Variants in TCF21 observed in about 807,000 individuals in gnomAD.
The protein encoded by TCF21 is capsulin.
In TCF21, 3 loss-of-function variants were observed where a neutral mutation model predicts 13.5. The observed-to-expected ratio is 0.22, with a 90% CI of 0.10 to 0.57. TCF21 has a LOEUF of 0.57. TCF21 is among the 20% of genes least tolerant of loss of function. The pLI is 0.92. For synonymous variants in TCF21, 92 were observed against 101.7 expected, an observed-to-expected ratio of 0.90 and a Z score of 0.57; for missense variants, 181 against 238.4, an observed-to-expected ratio of 0.76 and a Z score of 1.59.
chr6:133,891,864 C>A lies in TCF21; in HGVS notation c.*62C>A. 6.4e-7 allele frequency: 1 copy of A among 1,563,664 alleles called. No individual in the cohort carries two copies. Among genetic ancestry groups the A allele is most frequent in the Non-Finnish European group, 8.8e-7 (1 of 1,141,072 alleles). On this transcript the variant is annotated 3_prime_UTR_variant, in exon 2 of 2. Coordinates refer to ENST00000367882, the MANE Select transcript of TCF21 (RefSeq NM_003206.4). ...GGGGGAGCGGGCCCCGGGAAGGCGA[C>A]CCCTGCCCTCAGTGCTCTCTGTCTC...
downstream of TCF21, chr6:133,893,993 A>G (rs1227131875): frequency 6.6e-6 from 1 of 152,188 alleles, no homozygotes; most frequent in Non-Finnish European, 1.5e-5. Context: ...TTCCTCTTTC[A>G]TCTTACAGAG....
chr6:133,890,677 A>G (rs1775200610), intron 1 of TCF21, among the ~76,000 whole-genome samples: 2 of 152,196 alleles, frequency 1.3e-5, no homozygotes, highest in South Asian at 4.1e-4. Context: ...TTTTATTTTA[A>G]AACTTCTAAG....
At chr6:133,891,541 G>A (rs1775216733) in intron 1 of TCF21, 172 bp from the exon 2 acceptor site, 2 of 721,862 alleles carry the variant, frequency 2.8e-6, no homozygotes, top group Admixed American at 2.1e-5. Flanking sequence ...GCAGCTATTT[G>A]CTTTATGCAG....
Position 133,889,299 on chromosome 6 carries a change from C to G in TCF21, c.-99C>G, listed in dbSNP as rs547987017. 50 of 1,519,872 alleles carry G rather than the reference C, an allele frequency of 3.3e-5. 1 individual carries two copies. The South Asian group carries it at 5.2e-4, about 16-fold the overall frequency. 94.1% of individuals were successfully genotyped at this position (1,519,872 alleles called of 1,614,324 possible). A position where few individuals can be genotyped will look rare whatever the true frequency, so the allele number is the denominator to read the frequency against. On this transcript the variant is annotated 5_prime_UTR_variant, in exon 1 of 2. Coordinates refer to ENST00000367882, the MANE Select transcript of TCF21 (RefSeq NM_003206.4). This position sits in a 1 kb window ranked among gnomAD's most constrained non-coding sequence, Gnocchi z 5.1. ...TGGCTGCGCCACACTCGGGAGGCCTCTTGGTTTCAGGGTCTCTCTGTCTCT... is the reference window on the plus strand; with the variant it reads ...TGGCTGCGCCACACTCGGGAGGCCTGTTGGTTTCAGGGTCTCTCTGTCTCT...
chr6:133,889,860 G>C lies in TCF21; in HGVS notation c.450+13G>C, dbSNP rs762169214. On this transcript the variant is annotated intron_variant, in intron 1 of 1. Transcript: ENST00000367882. The surrounding 1 kb of genome is among the most constrained non-coding windows in gnomAD (Gnocchi z 5.1). ...CCCGGTCAACCTGGTGAGTGCTCCC[G>C]GGGCTGCAGCTGCAGTCCAGGCGCG... 1 of 1,612,554 alleles carries C rather than the reference G, an allele frequency of 6.2e-7. No homozygotes were observed. Among genetic ancestry groups the C allele is most frequent in the South Asian group, 1.1e-5 (1 of 91,040 alleles).
rs1215154713 is a variant in TCF21 at position 133,892,026 on chromosome 6, T to A, written c.*224T>A. On this transcript the variant is annotated 3_prime_UTR_variant, in exon 2 of 2. Transcript: ENST00000367882. Reference sequence around the variant, plus strand: ...CCATCTATTTAACTTTATTAACTTCTACCGTGAATGACTCTGCAAGCCTTG... The same window carrying A: ...CCATCTATTTAACTTTATTAACTTCAACCGTGAATGACTCTGCAAGCCTTG... 1.9e-6 allele frequency: 1 copy of A among 516,342 alleles called. No individual in the cohort carries two copies. Among genetic ancestry groups the A allele is most frequent in the African/African-American group, 1.9e-5 (1 of 52,394 alleles). The allele number at this position is 516,342 out of a possible 1,614,324, so 32.0% of individuals were successfully genotyped here. A position where few individuals can be genotyped will look rare whatever the true frequency, so the allele number is the denominator to read the frequency against.
At chr6:133,894,539 A>G (rs1202840787), downstream of TCF21, 1 of 152,484 alleles carries the variant, frequency 6.6e-6, no homozygotes, top group Non-Finnish European at 1.5e-5. Flanking sequence ...CACACCACAC[A>G]TGCCTCCAAC....
intron 1 of TCF21, among the ~76,000 whole-genome samples, chr6:133,890,121 A>T (rs1775185239): frequency 6.6e-6 from 1 of 152,172 alleles, no homozygotes; most frequent in South Asian, 2.1e-4. Context: ...TTGAGCTGGC[A>T]CAGAGGAGGG....
At chr6:133,890,001 A>T (rs1702947752) in intron 1 of TCF21, among the ~76,000 whole-genome samples, 154 bp downstream of exon 1, 1 of 152,114 alleles carries the variant, frequency 6.6e-6, no homozygotes, top group South Asian at 2.1e-4. Flanking sequence ...CAGGGACCGG[A>T]GGCGGGCGGT....
At chr6:133,890,512 C>G (rs994367283) in intron 1 of TCF21, among the ~76,000 whole-genome samples, 1 of 152,156 alleles carries the variant, frequency 6.6e-6, no homozygotes, top group African/African-American at 2.4e-5. Context: ...ATAGGTCACT[C>G]TCACCCAAGA....
At chr6:133,894,495 G>T (rs981189957), downstream of TCF21, 11 of 152,242 alleles carry the variant, frequency 7.2e-5, no homozygotes, top group Non-Finnish European at 1.5e-4. Context: ...ACTGGGTGGT[G>T]GCTGCCACTA....
chr6:133,893,631 C>T (rs1375565287), downstream of TCF21: 2 of 152,186 alleles, frequency 1.3e-5, no homozygotes, highest in Non-Finnish European at 2.9e-5. Context: ...TTTCACGTTT[C>T]GCAAATTTTC....
intron 1 of TCF21, 25 bp from the exon 2 acceptor site, chr6:133,891,688 T>G (rs770149635): frequency 1.0e-5 from 12 of 1,186,578 alleles, no homozygotes; most frequent in Non-Finnish European, 1.3e-5. Context: ...GCCACTTACC[T>G]CCTCCACCCT....
At position 133,889,835 on chromosome 6, in the gene TCF21, C is replaced by G. The variant is rs770452021; in HGVS notation, c.438C>G (p.His146Gln). The change falls in exon 1 of 2, where the codon CAC (histidine) becomes CAG (glutamine). Residue 146 changes from histidine (H) to glutamine (Q), a missense_variant. Coordinates refer to ENST00000367882, the MANE Select transcript of TCF21 (RefSeq NM_003206.4). The surrounding 1 kb of genome is among the most constrained non-coding windows in gnomAD (Gnocchi z 5.1). Reference protein sequence around the residue: ...ANDKYENGYIHPVNLTWPFMV... With the variant: ...ANDKYENGYIQPVNLTWPFMV... ...ACAAATACGAGAACGGGTACATTCA[C>G]CCGGTCAACCTGGTGAGTGCTCCCG... The G allele has an allele frequency of 1.9e-6, 3 of 1,612,810 alleles. No individual in the cohort carries two copies. The South Asian group carries it at 3.3e-5, about 18-fold the overall frequency.
intron 1 of TCF21, among the ~76,000 whole-genome samples, chr6:133,890,666 A>G (rs1775200512): frequency 6.6e-6 from 1 of 152,030 alleles, no homozygotes; most frequent in Non-Finnish European, 1.5e-5. Flanking sequence ...TTTTCATTTG[A>G]TTTTATTTTA....
chr6:133,893,532 C>A (rs1443298036), downstream of TCF21: 1 of 152,196 alleles, frequency 6.6e-6, no homozygotes, highest in Non-Finnish European at 1.5e-5. Flanking sequence ...TTCATGTGTT[C>A]TCTCCTTTCT....
rs1775229697 is a variant in TCF21, at chr6:133,892,151, G to A, written c.*349G>A. The A allele has an allele frequency of 5.8e-6, 1 of 171,352 alleles. No homozygotes were observed. Among genetic ancestry groups the A allele is most frequent in the Non-Finnish European group, 1.2e-5 (1 of 80,166 alleles). The allele number at this position is 171,352 out of a possible 1,614,324, so 10.6% of individuals were successfully genotyped here. ...GTTGTAAAATGTAGATCATAGGATA[G>A]CTGACTTTGACAGTCACATTTATAA... On this transcript the variant is annotated 3_prime_UTR_variant, in exon 2 of 2. Transcript: ENST00000367882.
At chr6:133,892,603 A>G (rs1282672032), downstream of TCF21, 1 of 152,258 alleles carries the variant, frequency 6.6e-6, no homozygotes, top group African/African-American at 2.4e-5. Context: ...GACACGGGCG[A>G]GAAAGTAAAC....
rs931260379 is a variant in TCF21 at position 133,889,329 on chromosome 6, C to G, written c.-69C>G. On this transcript the variant is annotated 5_prime_UTR_variant, in exon 1 of 2. Coordinates refer to ENST00000367882, the MANE Select transcript of TCF21 (RefSeq NM_003206.4). This position sits in a 1 kb window ranked among gnomAD's most constrained non-coding sequence, Gnocchi z 5.1. ...TTTCAGGGTCTCTCTGTCTCTCTCT[C>G]ACCCTCTTCCTCGCTTTCTCTGTCT... The G allele has an allele frequency of 2.5e-6, 4 of 1,588,574 alleles. No individual in the cohort carries two copies. The East Asian group carries it at 8.9e-5, about 35-fold the overall frequency.
Sources: gnomAD v4.1 joint callset for allele counts (sites outside exome capture counted in the v4.1 genomes callset) on GRCh38, gnomAD v4.1.1 for gene constraint, Gnocchi (gnomAD v3.1) non-coding constraint, MANE v1.5 for transcripts, NCBI Gene and HGNC (gene_info 2026-07-23, HGNC 2026-07-21) for gene names.